The following IP6K1 variants were observed in gnomAD, a reference collection of about 807,000 sequenced individuals.
The protein encoded by IP6K1 is ATP:1D-myo-inositol-hexakisphosphate phosphotransferase.
IP6K1 carries 13 observed loss-of-function variants against 38.3 expected under a neutral mutation model. The observed-to-expected ratio is 0.34, with a 90% CI of 0.22 to 0.54. The LOEUF (loss-of-function observed/expected upper bound fraction) is 0.54. Ranked by LOEUF, IP6K1 falls within the 20% of genes least tolerant of loss-of-function variation. The pLI, the probability that IP6K1 is intolerant of heterozygous loss-of-function variation, is 0.92. For synonymous variants in IP6K1, 212 were observed against 229.9 expected, an observed-to-expected ratio of 0.92 and a Z score of 0.70; for missense variants, 397 against 599.8, an observed-to-expected ratio of 0.66 and a Z score of 3.53.
At chr3:49,740,196 G>C (rs755329350) in intron 2 of IP6K1, among the ~76,000 whole-genome samples, 101 of 145,462 alleles carry the variant, frequency 6.9e-4, no homozygotes, top group Non-Finnish European at 1.3e-3. Context: ...TCAGTCAATA[G>C]ATCGATCGAT....
At chr3:49,785,038 A>G (rs2081099565) in intron 1 of IP6K1, among the ~76,000 whole-genome samples, 3 of 152,230 alleles carry the variant, frequency 2.0e-5, no homozygotes, top group Non-Finnish European at 2.9e-5. Context: ...CTATGACCAC[A>G]TACAAGAAGA....
chr3:49,767,189 C>T (rs1419712926), intron 1 of IP6K1, among the ~76,000 whole-genome samples: 3 of 151,800 alleles, frequency 2.0e-5, no homozygotes, highest in African/African-American at 7.3e-5. Flanking sequence ...GGCAGGCAGG[C>T]AGTCACTCAA....
intron 3 of IP6K1, among the ~76,000 whole-genome samples, chr3:49,734,481 G>C (rs1166544754): frequency 1.4e-5 from 2 of 142,730 alleles, no homozygotes; most frequent in Admixed American, 1.5e-4. Context: ...CAGAACTGCA[G>C]GCCTCTCCTC....
chr3:49,772,744 T>A (rs2080970837), intron 1 of IP6K1, among the ~76,000 whole-genome samples: 1 of 150,030 alleles, frequency 6.7e-6, no homozygotes, highest in Admixed American at 6.7e-5. Context: ...TACTCCAGTC[T>A]CTGTTACAGT....
At chr3:49,758,522 C>T (rs2080843641) in intron 1 of IP6K1, 1 of 152,128 alleles carries the variant, frequency 6.6e-6, no homozygotes, top group Non-Finnish European at 1.5e-5. Context: ...CGTTGTATCC[C>T]TGGGAGCCGT....
chr3:49,772,593 A>G (rs1433793976), intron 1 of IP6K1, among the ~76,000 whole-genome samples: 1 of 151,638 alleles, frequency 6.6e-6, no homozygotes, highest in Non-Finnish European at 1.5e-5. Context: ...TGTAGAGACA[A>G]GGTTTCACCA....
chr3:49,777,041 C>G (rs1337582654), intron 1 of IP6K1, among the ~76,000 whole-genome samples: 1 of 151,860 alleles, frequency 6.6e-6, no homozygotes, highest in South Asian at 2.1e-4. Context: ...TCGAGACAAG[C>G]CTGGTCAACA....
intron 1 of IP6K1, among the ~76,000 whole-genome samples, chr3:49,751,877 A>G (rs2080780185): frequency 6.6e-6 from 1 of 152,234 alleles, no homozygotes; most frequent in South Asian, 2.1e-4. Flanking sequence ...CTGCAAAAAT[A>G]TTAGTTACAA....
Position 49,724,514 on chromosome 3 carries a change from A to G in IP6K1, c.*2608T>C, listed in dbSNP as rs1342099458. On this transcript the variant is annotated 3_prime_UTR_variant, in exon 6 of 6. Transcript: ENST00000321599. Reference sequence around the variant, plus strand: ...AGAGCAGCAGAGAGCGATTCCCAGAACGCGAGGGCTTACAGTTCCCCGAGA... The same window carrying G: ...AGAGCAGCAGAGAGCGATTCCCAGAGCGCGAGGGCTTACAGTTCCCCGAGA... 1 of 152,166 alleles carries G rather than the reference A, an allele frequency of 6.6e-6. No homozygotes were observed. The highest frequency in any genetic ancestry group is 6.5e-5 in the Admixed American group (1 of 15,292). The allele number at this position is 152,166 out of a possible 1,614,324, so 9.4% of individuals were successfully genotyped here. A position where few individuals can be genotyped will look rare whatever the true frequency, so the allele number is the denominator to read the frequency against.
chr3:49,734,383 T>C (rs1252618592), intron 3 of IP6K1, among the ~76,000 whole-genome samples: 1 of 145,832 alleles, frequency 6.9e-6, no homozygotes, highest in African/African-American at 2.5e-5. Flanking sequence ...GGTGGAACAT[T>C]ACCGTAATTT....
chr3:49,758,570 A>G (rs564529716), intron 1 of IP6K1: 9 of 152,456 alleles, frequency 5.9e-5, no homozygotes, highest in African/African-American at 2.2e-4. Context: ...ACCAAGAAAG[A>G]AGGCATACCC....
intron 1 of IP6K1, among the ~76,000 whole-genome samples, chr3:49,771,505 C>T (rs1264654233): frequency 6.6e-6 from 1 of 152,144 alleles, no homozygotes; most frequent in Non-Finnish European, 1.5e-5. Flanking sequence ...TGAGTTACCA[C>T]TATACTTTCA....
intron 1 of IP6K1, among the ~76,000 whole-genome samples, chr3:49,752,076 G>A (rs2080781628): frequency 1.3e-5 from 2 of 152,132 alleles, no homozygotes; most frequent in African/African-American, 2.4e-5. Flanking sequence ...TATGGTCATG[G>A]CTCACTGCAG....
Position 49,726,090 on chromosome 3 carries a change from G to C in IP6K1, c.*1032C>G, listed in dbSNP as rs1300491373. The stretch of plus-strand genomic sequence containing the variant: ...ACAAAGCTCTCATTAGCAGAATGTG[G>C]GCACCTGCACCCAGGGCCCATACCA... On this transcript the variant is annotated 3_prime_UTR_variant, in exon 6 of 6. Coordinates refer to ENST00000321599, the MANE Select transcript of IP6K1 (RefSeq NM_153273.4). 1 of 152,492 alleles carries C rather than the reference G, an allele frequency of 6.6e-6. No individual in the cohort carries two copies. Among genetic ancestry groups the C allele is most frequent in the Non-Finnish European group, 1.5e-5 (1 of 68,072 alleles). 9.4% of individuals were successfully genotyped at this position (152,492 alleles called of 1,614,324 possible).
chr3:49,772,415 T>C (rs987908445), intron 1 of IP6K1, among the ~76,000 whole-genome samples: 3 of 151,474 alleles, frequency 2.0e-5, no homozygotes, highest in African/African-American at 7.3e-5. Flanking sequence ...GAGCGTTCTC[T>C]TTTTTGAGAC....
intron 1 of IP6K1, among the ~76,000 whole-genome samples, chr3:49,774,096 G>C (rs1184157038): frequency 2.0e-5 from 3 of 151,644 alleles, no homozygotes; most frequent in African/African-American, 4.8e-5. Context: ...CTCCAAATTA[G>C]TCAGGGACCA....
chr3:49,776,519 T>G (rs1457813481), intron 1 of IP6K1, among the ~76,000 whole-genome samples: 1 of 142,718 alleles, frequency 7.0e-6, no homozygotes, highest in Admixed American at 7.0e-5. Flanking sequence ...TCAGTCTCAG[T>G]AAAAAAAAAA....
chr3:49,772,113 G>A (rs2080964865), intron 1 of IP6K1, among the ~76,000 whole-genome samples: 1 of 151,632 alleles, frequency 6.6e-6, no homozygotes, highest in Non-Finnish European at 1.5e-5. Flanking sequence ...GGGAAGCTGA[G>A]GTGGGAAGAT....
At chr3:49,762,319 G>C (rs372289354) in intron 1 of IP6K1, among the ~76,000 whole-genome samples, 1 of 152,132 alleles carries the variant, frequency 6.6e-6, no homozygotes, top group East Asian at 1.9e-4. Context: ...TGAGGCAGGC[G>C]GACCATGAGG....
Sources: allele counts gnomAD v4.1 joint callset (sites outside exome capture counted in the v4.1 genomes callset), GRCh38; gene constraint gnomAD v4.1.1; transcripts MANE v1.5; gene names NCBI Gene and HGNC (gene_info 2026-07-23, HGNC 2026-07-21).